Variants in PTPRN2 observed in about 807,000 individuals in gnomAD.
PTPRN2 encodes the protein protein tyrosine phosphatase receptor type N2.
A neutral mutation model predicts 118.8 loss-of-function variants in PTPRN2; 74 were observed. That is an observed-to-expected ratio of 0.62 (90% CI 0.52 to 0.76). The LOEUF is 0.76. Ranked by LOEUF, PTPRN2 falls within the 30% of genes least tolerant of loss-of-function variation. The pLI is 0.00. For missense variants in PTPRN2, 1,481 were observed against 1,394.4 expected (o/e 1.06, Z -0.99); for synonymous variants, 641 against 608.0 (o/e 1.05, Z -0.80).
intron 2 of PTPRN2, among the ~76,000 whole-genome samples, chr7:158,326,946 T>C (rs12698212): frequency 0.96 from 144,644 of 150,266 alleles, 69,649 homozygotes; most frequent in African/African-American, 0.99. Context: ...CATACACATT[T>C]TCACACATGC....
intron 6 of PTPRN2, among the ~76,000 whole-genome samples, chr7:158,165,551 C>A (rs73173663): frequency 6.6e-6 from 1 of 152,200 alleles, no homozygotes; most frequent in African/African-American, 2.4e-5. Context: ...AAAGAAAGAG[C>A]GAGGGCAGGA....
intron 10 of PTPRN2, among the ~76,000 whole-genome samples, chr7:158,105,598 C>G (rs533013526): frequency 1.3e-5 from 2 of 152,002 alleles, no homozygotes; most frequent in South Asian, 2.1e-4. Context: ...CCTATCCATC[C>G]CTACTCCATC....
intron 2 of PTPRN2, among the ~76,000 whole-genome samples, chr7:158,446,415 C>T (rs1309900203): frequency 1.3e-5 from 2 of 152,026 alleles, no homozygotes; most frequent in East Asian, 1.9e-4. Flanking sequence ...TGGAGTCTGT[C>T]GTGAGAGCTG....
At chr7:158,220,763 G>T (rs1828297118) in intron 3 of PTPRN2, among the ~76,000 whole-genome samples, 1 of 151,064 alleles carries the variant, frequency 6.6e-6, no homozygotes. Context: ...AATCAATATT[G>T]TTAAAATGGT....
intron 4 of PTPRN2, among the ~76,000 whole-genome samples, chr7:158,193,255 C>A (rs1825924852): frequency 6.6e-6 from 1 of 152,160 alleles, no homozygotes; most frequent in South Asian, 2.1e-4. Flanking sequence ...TGGCCAGGGG[C>A]CCCATGGGAC....
At chr7:158,010,727 A>G (rs1284494792) in intron 11 of PTPRN2, among the ~76,000 whole-genome samples, 1 of 152,242 alleles carries the variant, frequency 6.6e-6, no homozygotes, top group Non-Finnish European at 1.5e-5. Flanking sequence ...TATACTTTAA[A>G]AAGTCTATTT....
In PTPRN2 at chr7:157,987,023, T is replaced by G. The variant is rs1803849561; in HGVS notation, c.1724-88286A>C. Among the ~76,000 whole-genome samples, 1 of 152,116 alleles carries G rather than the reference T, an allele frequency of 6.6e-6. No homozygotes were observed. The highest frequency in any genetic ancestry group is 2.4e-5 in the African/African-American group (1 of 41,412). On this transcript the variant is annotated intron_variant, in intron 11 of 22. Transcript: ENST00000389418. This position sits in a 1 kb window ranked among gnomAD's most constrained non-coding sequence, Gnocchi z 4.3. ...AACCCCGCTTTAGGATATAACGGGT[T>G]CATGCACTGGAGTAGCTGCCGGTAC... is the stretch of plus-strand genomic sequence containing the variant.
intron 2 of PTPRN2, among the ~76,000 whole-genome samples, chr7:158,359,511 G>A (rs1008277600): frequency 6.6e-6 from 1 of 152,178 alleles, no homozygotes; most frequent in African/African-American, 2.4e-5. Context: ...GCCTGCCCAA[G>A]GACTCCTGCG....
intron 3 of PTPRN2, among the ~76,000 whole-genome samples, chr7:158,225,397 G>T (rs894787872): frequency 6.6e-6 from 1 of 152,058 alleles, no homozygotes; most frequent in Non-Finnish European, 1.5e-5. Flanking sequence ...ATGAAGGAAA[G>T]AACGATTAGT....
At chr7:158,061,517 C>T (rs117199106) in intron 11 of PTPRN2, among the ~76,000 whole-genome samples, 1,943 of 152,348 alleles carry the variant, frequency 0.013, 25 homozygotes, top group East Asian at 0.067. Context: ...GAGGAGAGAC[C>T]AGCTGCTGCT....
At chr7:158,061,371 C>T (rs967058766) in intron 11 of PTPRN2, among the ~76,000 whole-genome samples, 5 of 152,222 alleles carry the variant, frequency 3.3e-5, no homozygotes, top group South Asian at 4.1e-4. Context: ...GCCCCGCAAC[C>T]CACCTGCTCC....
At position 157,764,436 on chromosome 7, in the gene PTPRN2, A is replaced by G. The variant is rs1802328902; in HGVS notation, c.1789-81499T>C. Reference sequence around the variant, plus strand: ...ATTTTGGATGCAGGCTACAACATGGATGAACCTTGAAGATGTTATGCTAAG... The same window carrying G: ...ATTTTGGATGCAGGCTACAACATGGGTGAACCTTGAAGATGTTATGCTAAG... On this transcript the variant is annotated intron_variant, in intron 12 of 22. Transcript: ENST00000389418. This position sits in a 1 kb window ranked among gnomAD's most constrained non-coding sequence, Gnocchi z 4.5. 6.6e-6 allele frequency among the ~76,000 whole-genome samples: 1 copy of G among 152,228 alleles called. No individual in the cohort carries two copies. The highest frequency in any genetic ancestry group is 2.4e-5 in the African/African-American group (1 of 41,466).
intron 13 of PTPRN2, among the ~76,000 whole-genome samples, chr7:157,661,029 C>G (rs1327738577): frequency 6.6e-6 from 1 of 152,250 alleles, no homozygotes; most frequent in African/African-American, 2.4e-5. Flanking sequence ...GTTGGGATTA[C>G]AGGCGTGAGC....
chr7:158,491,773 A>C (rs1375931756), intron 1 of PTPRN2, among the ~76,000 whole-genome samples: 1 of 152,194 alleles, frequency 6.6e-6, no homozygotes, highest in Non-Finnish European at 1.5e-5. Context: ...TACAGGCGTG[A>C]GCCACCGCGC....
intron 11 of PTPRN2, among the ~76,000 whole-genome samples, chr7:157,928,331 G>A (rs1799147332): frequency 6.6e-6 from 1 of 152,164 alleles, no homozygotes; most frequent in Non-Finnish European, 1.5e-5. Context: ...GTCGCCTGGA[G>A]ATCCCACAGC....
chr7:157,897,411 C>A (rs1797194153), intron 12 of PTPRN2, among the ~76,000 whole-genome samples: 1 of 152,210 alleles, frequency 6.6e-6, no homozygotes, highest in African/African-American at 2.4e-5. Context: ...GCTTCTTTCT[C>A]ACCCTTCACT....
intron 6 of PTPRN2, among the ~76,000 whole-genome samples, chr7:158,149,336 T>C (rs1429734142): frequency 1.3e-5 from 2 of 152,070 alleles, no homozygotes; most frequent in Non-Finnish European, 2.9e-5. Flanking sequence ...ATTTAACCCC[T>C]GGAAATTAAC....
At chr7:158,044,346 T>C (rs1023413665) in intron 11 of PTPRN2, among the ~76,000 whole-genome samples, 1 of 152,208 alleles carries the variant, frequency 6.6e-6, no homozygotes, top group Admixed American at 6.5e-5. Context: ...GCGTCCTCAC[T>C]GCTGCTGAAT....
intron 2 of PTPRN2, among the ~76,000 whole-genome samples, chr7:158,401,047 G>A (rs1012958523): frequency 1.3e-5 from 2 of 152,144 alleles, no homozygotes; most frequent in South Asian, 2.1e-4. Context: ...GAACCGACAC[G>A]CACGAGATGC....
Sources: allele counts gnomAD v4.1 joint callset (sites outside exome capture counted in the v4.1 genomes callset), GRCh38; gene constraint gnomAD v4.1.1; non-coding constraint Gnocchi (gnomAD v3.1); transcripts MANE v1.5; gene names NCBI Gene and HGNC (gene_info 2026-07-23, HGNC 2026-07-21).